Variants in TENM4 observed in about 807,000 individuals in gnomAD.
TENM4 encodes the protein teneurin transmembrane protein 4, also known as teneurin-4.
Under a neutral mutation model 243.3 loss-of-function variants are expected in TENM4, and 82 were observed. The ratio of observed to expected loss-of-function variants is 0.34; its 90% CI spans 0.28 to 0.40. The LOEUF is 0.40. TENM4 is among the 10% of genes least tolerant of loss of function. The probability of loss-of-function intolerance (pLI) is 1.00; values close to 1 mark genes in which losing one functional copy is unlikely to be tolerated. For missense variants in TENM4, 3,138 were observed against 3,673.3 expected, an observed-to-expected ratio of 0.85 and a Z score of 3.77; for synonymous variants, 1,412 against 1,456.3, an observed-to-expected ratio of 0.97 and a Z score of 0.69.
intron 6 of TENM4, among the ~76,000 whole-genome samples, chr11:78,932,394 A>G (rs1276369097): frequency 6.6e-6 from 1 of 152,074 alleles, no homozygotes; most frequent in Admixed American, 6.5e-5. Flanking sequence ...GTGGCCTCCG[A>G]TTTGCCCTCT....
In TENM4 at chr11:79,005,477, C is replaced by G. The variant is rs1278487160; in HGVS notation, c.493+59261G>C. 2.0e-5 allele frequency among the ~76,000 whole-genome samples: 3 copies of G among 151,988 alleles called. No homozygotes were observed. In the East Asian group the frequency reaches 5.8e-4, roughly 29 times the overall value. ...GCAAGTCAATAAATGTGATTCATCA[C>G]ATAAACAAAACTCAAAACAAAAACC... On this transcript the variant is annotated intron_variant, in intron 6 of 33. Transcript: ENST00000278550.
intron 9 of TENM4, among the ~76,000 whole-genome samples, chr11:78,879,103 T>C (rs1030685821): frequency 1.1e-4 from 16 of 144,386 alleles, no homozygotes; most frequent in Admixed American, 1.0e-3. Context: ...AAGTGAGGTG[T>C]GCCTCTGCCT....
At chr11:78,979,346 A>C (rs536746883) in intron 6 of TENM4, among the ~76,000 whole-genome samples, 1 of 152,334 alleles carries the variant, frequency 6.6e-6, no homozygotes, top group South Asian at 2.1e-4. Flanking sequence ...TTAGTGGCTG[A>C]GCAAACCCGG....
intron 28 of TENM4, among the ~76,000 whole-genome samples, chr11:78,697,091 C>T (rs1020611000): frequency 6.6e-6 from 1 of 152,174 alleles, no homozygotes; most frequent in Non-Finnish European, 1.5e-5. Flanking sequence ...CTTCTTAAAT[C>T]TTTCCTCACT....
rs764445309 is a variant in TENM4 at position 78,722,728 on chromosome 11, T to C, written c.3740A>G (p.Asp1247Gly). The C allele has an allele frequency of 6.2e-7, 1 of 1,614,030 alleles. No individual in the cohort carries two copies. Among genetic ancestry groups the C allele is most frequent in the Non-Finnish European group, 8.5e-7 (1 of 1,179,898 alleles). ...GAAGATCCTTCTAATGTAGTTGAAATCACCCACATAGAGGCTCCCGTCAGA... is the reference window on the plus strand; with the variant it reads ...GAAGATCCTTCTAATGTAGTTGAAACCACCCACATAGAGGCTCCCGTCAGA... ...CGSDGSLYVGDFNYIRRIFPS... is the reference protein window; with the variant it reads ...CGSDGSLYVGGFNYIRRIFPS... The change falls in exon 24 of 34, where the codon GAT becomes GGT. Residue 1247 changes from aspartate (D) to glycine (G), a missense_variant. This residue lies in a region of TENM4 where 2,467 missense variants were observed against 3,059.1 expected (regional missense o/e 0.81). Coordinates refer to ENST00000278550, the MANE Select transcript of TENM4 (RefSeq NM_001098816.3).
At chr11:79,091,932 C>T (rs185373263) in intron 4 of TENM4, among the ~76,000 whole-genome samples, 160 of 152,258 alleles carry the variant, frequency 1.1e-3, no homozygotes, top group Non-Finnish European at 1.6e-3. Flanking sequence ...TTGGGAGTCA[C>T]GCTTAAATCC....
chr11:78,700,865 A>G (rs1859084983), intron 28 of TENM4, among the ~76,000 whole-genome samples: 1 of 152,146 alleles, frequency 6.6e-6, no homozygotes, highest in Non-Finnish European at 1.5e-5. Context: ...GCAGGGGCAA[A>G]GGGCTCTATA....
At chr11:79,164,957 ATG>A (rs369197845) in intron 3 of TENM4, among the ~76,000 whole-genome samples, 58,474 of 139,464 alleles carry the variant, frequency 0.42, 12,409 homozygotes, top group East Asian at 0.78. Flanking sequence ...CTATATATAT[ATG>A]TGTGTGTGTG....
chr11:79,264,987 C>A (rs1238942516), intron 2 of TENM4, among the ~76,000 whole-genome samples: 1 of 152,132 alleles, frequency 6.6e-6, no homozygotes, highest in East Asian at 1.9e-4. Flanking sequence ...GTGGAGGCAG[C>A]CAGGTGTGGG....
chr11:79,166,370 C>CT (rs1862913811), intron 3 of TENM4, among the ~76,000 whole-genome samples: 1 of 152,168 alleles, frequency 6.6e-6, no homozygotes, highest in Non-Finnish European at 1.5e-5. Flanking sequence ...GCAAATTCAG[C>CT]CATCATTTCC....
intron 9 of TENM4, among the ~76,000 whole-genome samples, chr11:78,889,584 G>A (rs1216583706): frequency 6.6e-6 from 1 of 152,218 alleles, no homozygotes; most frequent in Non-Finnish European, 1.5e-5. Flanking sequence ...CAGAGGGATG[G>A]AGAGGAAAGA....
At position 79,164,457 on chromosome 11, in the gene TENM4, G is replaced by GTA. The variant is rs112956094; in HGVS notation, c.-162-15653_-162-15652dup. Among the ~76,000 whole-genome samples, 8 of 126,710 alleles carry GTA rather than the reference G, an allele frequency of 6.3e-5. No homozygotes were observed. The East Asian group carries it at 1.4e-3, about 22-fold the overall frequency. 83.1% of individuals were successfully genotyped at this position (126,710 alleles called of 152,430 possible). Reference sequence around the variant, plus strand: ...ATATATGTACTATATAGTATATATAGTATATATATAGTGTATATATATAGT... The same window carrying GTA: ...ATATATGTACTATATAGTATATATAGTATATATATATAGTGTATATATATAGT... On this transcript the variant is annotated intron_variant, in intron 3 of 33. Transcript: ENST00000278550.
At chr11:79,159,321 G>T (rs1409812110) in intron 3 of TENM4, among the ~76,000 whole-genome samples, 1 of 152,164 alleles carries the variant, frequency 6.6e-6, no homozygotes, top group Non-Finnish European at 1.5e-5. Flanking sequence ...ATAACAGTTG[G>T]CATGTAGTAT....
At chr11:79,300,095 G>T (rs368465206) in intron 1 of TENM4, among the ~76,000 whole-genome samples, 17 of 152,056 alleles carry the variant, frequency 1.1e-4, no homozygotes, top group Admixed American at 1.1e-3. Flanking sequence ...TTCCCTCAGG[G>T]CAACACTTCT....
chr11:78,700,454 C>A (rs1227392101), intron 28 of TENM4, among the ~76,000 whole-genome samples: 1 of 152,164 alleles, frequency 6.6e-6, no homozygotes, highest in Non-Finnish European at 1.5e-5. Context: ...AGCTAATACT[C>A]AACAAGGCTA....
chr11:78,820,881 G>C (rs1406646508), intron 12 of TENM4, among the ~76,000 whole-genome samples: 1 of 152,244 alleles, frequency 6.6e-6, no homozygotes, highest in Non-Finnish European at 1.5e-5. Flanking sequence ...ACATCTGAAA[G>C]AAGTTTTCTC....
chr11:79,184,725 G>T (rs1032232827), intron 3 of TENM4, among the ~76,000 whole-genome samples: 1 of 152,352 alleles, frequency 6.6e-6, no homozygotes, highest in Non-Finnish European at 1.5e-5. Context: ...AGGGAAGGCA[G>T]CAGGGAAAGT....
chr11:79,366,989 T>C (rs1275066855), intron 1 of TENM4, among the ~76,000 whole-genome samples: 1 of 152,226 alleles, frequency 6.6e-6, no homozygotes, highest in African/African-American at 2.4e-5. Flanking sequence ...GATCAGAAAA[T>C]AATAATACAA....
At chr11:79,405,124 C>T (rs1858540659) in intron 1 of TENM4, among the ~76,000 whole-genome samples, 1 of 152,060 alleles carries the variant, frequency 6.6e-6, no homozygotes, top group Admixed American at 6.5e-5. Flanking sequence ...AATTGTTATG[C>T]CTTTCAAATT....
Sources: gnomAD v4.1 joint callset for allele counts (sites outside exome capture counted in the v4.1 genomes callset) on GRCh38, gnomAD v4.1.1 for gene constraint, gnomAD v4.1.1 regional missense constraint, MANE v1.5 for transcripts, NCBI Gene and HGNC (gene_info 2026-07-23, HGNC 2026-07-21) for gene names.